The following EYS variants were observed in gnomAD, a reference collection of about 807,000 sequenced individuals.
The protein encoded by EYS is protein eyes shut homolog.
A neutral mutation model predicts 282.1 loss-of-function variants in EYS; 250 were observed. The observed-to-expected ratio is 0.89, with a 90% confidence interval of 0.80 to 0.98. The LOEUF (loss-of-function observed/expected upper bound fraction) is 0.98. Among genes scored for constraint, EYS ranks in the 50% least tolerant of loss-of-function variants. The pLI is 0.00. For synonymous variants in EYS, 1,355 were observed against 1,282.9 expected (o/e 1.06, Z -1.20); for missense variants, 4,016 against 3,709.0 (o/e 1.08, Z -2.15).
At chr6:65,271,133 T>TATATATATATATATATAC (rs1469445676) in intron 12 of EYS, among the ~76,000 whole-genome samples, 1 of 111,416 alleles carries the variant, frequency 9.0e-6, no homozygotes, top group Non-Finnish European at 2.0e-5. Context: ...ATAGATTATA[T>TATATATATATATATATAC]ATATATATAT....
intron 12 of EYS, among the ~76,000 whole-genome samples, chr6:65,137,402 A>G (rs914285064): frequency 1.3e-5 from 2 of 152,122 alleles, no homozygotes; most frequent in African/African-American, 4.8e-5. Flanking sequence ...GGTCAGGTTG[A>G]GAGGTAAGAC....
intron 22 of EYS, among the ~76,000 whole-genome samples, chr6:64,735,793 T>C (rs1326458477): frequency 6.6e-6 from 1 of 152,086 alleles, no homozygotes; most frequent in East Asian, 1.9e-4. Flanking sequence ...TAGGTAGCAA[T>C]TTACTAATGT....
At chr6:64,522,032 A>C (rs1255186964) in intron 26 of EYS, among the ~76,000 whole-genome samples, 1 of 151,802 alleles carries the variant, frequency 6.6e-6, no homozygotes, top group Non-Finnish European at 1.5e-5. Context: ...GACAGTAAGC[A>C]GTCCTTTATC....
At chr6:63,914,842 C>A (rs1286030147) in intron 35 of EYS, among the ~76,000 whole-genome samples, 1 of 152,086 alleles carries the variant, frequency 6.6e-6, no homozygotes, top group Non-Finnish European at 1.5e-5. Flanking sequence ...AGGGCCTTAA[C>A]TCTTTTTTGA....
intron 35 of EYS, among the ~76,000 whole-genome samples, chr6:63,953,233 T>C (rs774915330): frequency 3.3e-5 from 5 of 152,208 alleles, no homozygotes; most frequent in African/African-American, 7.2e-5. Context: ...ACCTGGGCTG[T>C]ACTGCCGCAA....
chr6:65,380,120 T>C (rs892224900), intron 8 of EYS, among the ~76,000 whole-genome samples: 13 of 152,172 alleles, frequency 8.5e-5, no homozygotes, highest in African/African-American at 3.1e-4. Flanking sequence ...AAAAAAATAC[T>C]TTAAATTTCA....
intron 22 of EYS, among the ~76,000 whole-genome samples, chr6:64,812,363 A>C (rs940042412): frequency 1.3e-5 from 2 of 152,008 alleles, no homozygotes; most frequent in Admixed American, 1.3e-4. Flanking sequence ...AATAATAAAT[A>C]AACATTGTTT....
intron 2 of EYS, among the ~76,000 whole-genome samples, chr6:65,580,554 G>T (rs1764831873): frequency 6.6e-6 from 1 of 152,022 alleles, no homozygotes; most frequent in Admixed American, 6.6e-5. Context: ...ATCAGTCATA[G>T]ATAAAATAGC....
At chr6:64,715,049 C>G (rs1250660830) in intron 22 of EYS, among the ~76,000 whole-genome samples, 1 of 151,044 alleles carries the variant, frequency 6.6e-6, no homozygotes, top group African/African-American at 2.4e-5. Context: ...TTTTTGGCAC[C>G]AGGGACCAGA....
chr6:64,235,538 T>C (rs1461202821), intron 30 of EYS, among the ~76,000 whole-genome samples: 1 of 152,236 alleles, frequency 6.6e-6, no homozygotes, highest in African/African-American at 2.4e-5. Context: ...TGAATAGTGC[T>C]GCAAAAAATA....
intron 31 of EYS, among the ~76,000 whole-genome samples, chr6:64,171,503 T>C (rs971462078): frequency 1.3e-5 from 2 of 152,186 alleles, no homozygotes; most frequent in African/African-American, 4.8e-5. Context: ...CAAACCTAGC[T>C]TTTACTGACT....
chr6:65,002,962 G>A (rs1771514495), intron 13 of EYS, among the ~76,000 whole-genome samples: 1 of 147,352 alleles, frequency 6.8e-6, no homozygotes, highest in African/African-American at 2.4e-5. Context: ...TGAGGAGGAT[G>A]TATATCGCCT....
At chr6:65,452,223 C>T (rs1329375970) in intron 5 of EYS, among the ~76,000 whole-genome samples, 1 of 151,248 alleles carries the variant, frequency 6.6e-6, no homozygotes, top group African/African-American at 2.4e-5. Context: ...AGATTATCAG[C>T]CTAAAATTTA....
chr6:65,478,706 A>ACTTGGAAGGGCC (rs1250831561), intron 5 of EYS, among the ~76,000 whole-genome samples: 11 of 152,138 alleles, frequency 7.2e-5, no homozygotes, highest in Non-Finnish European at 1.5e-4. Context: ...ATCCCAAATT[A>ACTTGGAAGGGCC]CTGTTTCTAC....
Position 64,651,215 on chromosome 6 carries a change from T to C in EYS, c.3444-24970A>G, listed in dbSNP as rs1427855353. Among the ~76,000 whole-genome samples the C allele has an allele frequency of 3.9e-5, 6 of 152,326 alleles. No homozygotes were observed. The East Asian group carries it at 9.6e-4, about 24-fold the overall frequency. On this transcript the variant is annotated intron_variant, in intron 22 of 42. Transcript: ENST00000503581. Reference sequence around the variant, plus strand: ...AGGATAGAATGGTTACGTATCACTCTGTTAATTGTAATTACTCTGGAAAAA... The same window carrying C: ...AGGATAGAATGGTTACGTATCACTCCGTTAATTGTAATTACTCTGGAAAAA...
intron 26 of EYS, among the ~76,000 whole-genome samples, chr6:64,505,284 C>T (rs557490839): frequency 2.6e-5 from 4 of 152,260 alleles, no homozygotes; most frequent in East Asian, 1.9e-4. Flanking sequence ...ATGCTTCTTC[C>T]TTTTTGTGGC....
intron 35 of EYS, among the ~76,000 whole-genome samples, chr6:63,908,038 G>A (rs1193187205): frequency 4.6e-3 from 172 of 37,388 alleles, no homozygotes; most frequent in African/African-American, 0.041. Flanking sequence ...ATATACGTTT[G>A]TGTGTGTGTG....
intron 15 of EYS, among the ~76,000 whole-genome samples, chr6:64,931,022 A>G (rs992030245): frequency 6.6e-6 from 1 of 152,184 alleles, no homozygotes. Context: ...CATTCAAATT[A>G]CATCGCTAGC....
At chr6:64,859,288 T>C (rs1341822570) in intron 19 of EYS, among the ~76,000 whole-genome samples, 1 of 148,922 alleles carries the variant, frequency 6.7e-6, no homozygotes, top group Non-Finnish European at 1.5e-5. Flanking sequence ...TTTATATTTA[T>C]AAGAATATTT....
Sources: allele counts gnomAD v4.1 joint callset (sites outside exome capture counted in the v4.1 genomes callset), GRCh38; gene constraint gnomAD v4.1.1; transcripts MANE v1.5; gene names NCBI Gene and HGNC (gene_info 2026-07-23, HGNC 2026-07-21).